The following LRMDA variants were observed in gnomAD, a reference collection of about 807,000 sequenced individuals.
LRMDA encodes the protein leucine rich melanocyte differentiation associated.
In LRMDA, 18 loss-of-function variants were observed where a neutral mutation model predicts 29.8. That is an observed-to-expected ratio of 0.60 (90% CI 0.42 to 0.90). LRMDA has a LOEUF of 0.90. LRMDA is among the 40% of genes least tolerant of loss of function. The pLI is 0.00. For synonymous variants in LRMDA, 125 were observed against 109.4 expected, an observed-to-expected ratio of 1.14 and a Z score of -0.89; for missense variants, 273 against 273.9, an observed-to-expected ratio of 1.00 and a Z score of 0.02.
intron 2 of LRMDA, among the ~76,000 whole-genome samples, chr10:75,538,597 TTTTG>T (rs149300688): frequency 0.18 from 27,234 of 151,286 alleles, 2,573 homozygotes; most frequent in Middle Eastern, 0.22. Context: ...CATTGAGTAG[TTTTG>T]TTTGTTTGTT....
chr10:75,592,382 C>G (rs748079952), intron 2 of LRMDA, among the ~76,000 whole-genome samples: 7 of 152,160 alleles, frequency 4.6e-5, no homozygotes, highest in African/African-American at 1.7e-4. Flanking sequence ...AGGAGTCAAA[C>G]CTCATCTGCT....
rs183309239 is a variant in LRMDA at position 75,827,151 on chromosome 10, G to A, written c.132-208857G>A. On this transcript the variant is annotated intron_variant, in intron 2 of 6. Coordinates refer to ENST00000611255, the MANE Select transcript of LRMDA (RefSeq NM_001305581.2). ...TTCCAAAATGTGATGATTGCACATC[G>A]CATGTTTTTGTGCGTGCTCAGGGGA... Among the ~76,000 whole-genome samples, 5 of 152,210 alleles carry A rather than the reference G, an allele frequency of 3.3e-5. No homozygotes were observed. The East Asian group carries it at 5.8e-4, about 18-fold the overall frequency.
chr10:75,466,824 C>A (rs1018746999), intron 2 of LRMDA, among the ~76,000 whole-genome samples: 5 of 152,106 alleles, frequency 3.3e-5, no homozygotes, highest in South Asian at 2.1e-4. Flanking sequence ...CCTCTAAACC[C>A]TCCCCTCTTC....
chr10:75,749,452 A>ATG (rs1322565534), intron 2 of LRMDA, among the ~76,000 whole-genome samples: 2 of 152,074 alleles, frequency 1.3e-5, no homozygotes, highest in South Asian at 2.1e-4. Context: ...ACAGATATAT[A>ATG]TGTGTATATG....
chr10:76,304,503 A>G (rs1840525227), intron 5 of LRMDA, among the ~76,000 whole-genome samples: 1 of 152,148 alleles, frequency 6.6e-6, no homozygotes, highest in Admixed American at 6.5e-5. Context: ...GGAACTATGC[A>G]TGCCACCTGT....
chr10:76,011,207 G>A (rs1847772050), intron 2 of LRMDA, among the ~76,000 whole-genome samples: 1 of 152,108 alleles, frequency 6.6e-6, no homozygotes. Flanking sequence ...GCTCATTTTG[G>A]GTGTGAAGTG....
At chr10:76,091,722 T>G (rs1352430693) in intron 5 of LRMDA, among the ~76,000 whole-genome samples, 2 of 152,096 alleles carry the variant, frequency 1.3e-5, no homozygotes, top group East Asian at 3.9e-4. Flanking sequence ...GAGTCTCTCT[T>G]TGTTGCCCAG....
At chr10:75,448,792 A>G (rs1260562369) in intron 2 of LRMDA, among the ~76,000 whole-genome samples, 1 of 152,174 alleles carries the variant, frequency 6.6e-6, no homozygotes, top group East Asian at 1.9e-4. Flanking sequence ...CAATAATACC[A>G]AGAGAGAAGA....
chr10:75,711,746 TACTC>T (rs1311477900), intron 2 of LRMDA, among the ~76,000 whole-genome samples: 1 of 152,144 alleles, frequency 6.6e-6, no homozygotes, highest in Non-Finnish European at 1.5e-5. Flanking sequence ...TACAAGCACA[TACTC>T]AGGCAGAACA....
intron 5 of LRMDA, among the ~76,000 whole-genome samples, chr10:76,108,072 T>C (rs1018252498): frequency 1.1e-4 from 16 of 152,140 alleles, no homozygotes; most frequent in African/African-American, 3.6e-4. Context: ...ATTAGGGAAG[T>C]AAGAAATTTA....
intron 2 of LRMDA, among the ~76,000 whole-genome samples, chr10:75,625,308 C>T (rs905544294): frequency 6.6e-6 from 1 of 152,180 alleles, no homozygotes; most frequent in African/African-American, 2.4e-5. Flanking sequence ...TCAATATTCC[C>T]ATTTTAAAGA....
chr10:76,433,980 C>T (rs966973226), intron 6 of LRMDA, among the ~76,000 whole-genome samples: 11 of 152,168 alleles, frequency 7.2e-5, no homozygotes, highest in African/African-American at 1.7e-4. Context: ...GCATGGTTGA[C>T]GCTTAGGCTT....
At chr10:76,339,041 C>T (rs2132416994) in intron 6 of LRMDA, among the ~76,000 whole-genome samples, 1 of 152,170 alleles carries the variant, frequency 6.6e-6, no homozygotes, top group South Asian at 2.1e-4. Context: ...TAGCACATCT[C>T]CTATGAAAAT....
intron 2 of LRMDA, among the ~76,000 whole-genome samples, chr10:75,751,688 T>C (rs7090348): frequency 0.058 from 8,870 of 152,030 alleles, 724 homozygotes; most frequent in African/African-American, 0.18. Context: ...TCCCACCCCC[T>C]AGACCCCTGC....
At chr10:75,913,752 A>G (rs1047389663) in intron 2 of LRMDA, among the ~76,000 whole-genome samples, 3 of 152,148 alleles carry the variant, frequency 2.0e-5, no homozygotes, top group African/African-American at 7.2e-5. Flanking sequence ...CCTTTTAGGT[A>G]TACCTGGTGG....
At chr10:76,221,956 A>G (rs1174829709) in intron 5 of LRMDA, among the ~76,000 whole-genome samples, 2 of 151,916 alleles carry the variant, frequency 1.3e-5, no homozygotes, top group East Asian at 3.9e-4. Context: ...GCCCTCAGAA[A>G]TAACGCCACG....
chr10:75,504,695 A>G (rs1410940438), intron 2 of LRMDA, among the ~76,000 whole-genome samples: 2 of 152,124 alleles, frequency 1.3e-5, no homozygotes, highest in African/African-American at 2.4e-5. Context: ...AGCATGTGCA[A>G]AGGCCTTGTG....
At chr10:76,518,348 C>G (rs964531541) in intron 6 of LRMDA, among the ~76,000 whole-genome samples, 1 of 151,390 alleles carries the variant, frequency 6.6e-6, no homozygotes, top group South Asian at 2.1e-4. Flanking sequence ...GTATCTCTGT[C>G]GAATAGAATA....
At chr10:75,497,649 T>G (rs924400637) in intron 2 of LRMDA, among the ~76,000 whole-genome samples, 7 of 152,030 alleles carry the variant, frequency 4.6e-5, no homozygotes, top group African/African-American at 1.7e-4. Context: ...CTTTTTTTTT[T>G]TCTTTTCCAC....
Sources: gnomAD v4.1 joint callset for allele counts (sites outside exome capture counted in the v4.1 genomes callset) on GRCh38, gnomAD v4.1.1 for gene constraint, MANE v1.5 for transcripts, NCBI Gene and HGNC (gene_info 2026-07-23, HGNC 2026-07-21) for gene names.